Variants in XIRP2 observed in about 807,000 individuals in gnomAD.
XIRP2 encodes xin actin binding repeat containing 2.
XIRP2 carries 236 observed loss-of-function variants against 277.0 expected under a neutral mutation model. That is an observed-to-expected ratio of 0.85 (90% CI 0.77 to 0.95). XIRP2 has a LOEUF of 0.95. Among genes scored for constraint, XIRP2 ranks in the 40% least tolerant of loss-of-function variants. The pLI is 0.00. For synonymous variants in XIRP2, 1,490 were observed against 1,416.5 expected, an observed-to-expected ratio of 1.05 and a Z score of -1.17; for missense variants, 4,640 against 4,157.5, an observed-to-expected ratio of 1.12 and a Z score of -3.19.
chr2:167,029,687 C>G (rs1688277770), intron 2 of XIRP2, among the ~76,000 whole-genome samples: 1 of 152,020 alleles, frequency 6.6e-6, no homozygotes. Context: ...TGTGTCTCTA[C>G]CAGGTTTTGG....
At chr2:166,902,962 TTAA>T (rs1211121157) in intron 1 of XIRP2, among the ~76,000 whole-genome samples, 2 of 152,112 alleles carry the variant, frequency 1.3e-5, no homozygotes, top group African/African-American at 2.4e-5. Flanking sequence ...CAACAAAAAC[TTAA>T]TAACTATTAG....
In XIRP2 at chr2:166,903,454, T is replaced by C. The variant is rs777321691; in HGVS notation, c.-18-11T>C. ...AGTGTATCACTGATAAAAGGATTCTTGATATTGCAGGACAACCTGGACCCA... is the reference window on the plus strand; with the variant it reads ...AGTGTATCACTGATAAAAGGATTCTCGATATTGCAGGACAACCTGGACCCA... On this transcript the variant is annotated splice_polypyrimidine_tract_variant and intron_variant, in intron 1 of 10. Transcript: ENST00000409195. The C allele has an allele frequency of 7.6e-6, 12 of 1,586,152 alleles. No homozygotes were observed. Among genetic ancestry groups the C allele is most frequent in the Non-Finnish European group, 1.0e-5 (12 of 1,164,580 alleles).
intron 2 of XIRP2, among the ~76,000 whole-genome samples, chr2:166,943,880 G>C (rs1685786498): frequency 6.6e-6 from 1 of 152,180 alleles, no homozygotes; most frequent in East Asian, 1.9e-4. Context: ...ACAGACTCTT[G>C]TTCCATAGTG....
In XIRP2 at chr2:167,244,495, A is replaced by G; in HGVS notation, c.3103A>G (p.Lys1035Glu). ...PIDQFDESIHKFQIIRGISAQ... is the reference protein window; with the variant it reads ...PIDQFDESIHEFQIIRGISAQ... ...TGACCAGTTTGATGAAAGCATTCAT[A>G]AATTTCAAATAATTAGAGGAATATC... Residue 1035 changes from lysine (K) to glutamate (E), a missense_variant, in exon 9 of 11, where the codon AAA becomes GAA. Lys to Glu is a moderately conservative substitution (Grantham distance 56, BLOSUM62 1). Transcript: ENST00000409195. The G allele has an allele frequency of 6.2e-7, 1 of 1,613,764 alleles. No individual in the cohort carries two copies. The highest frequency in any genetic ancestry group is 8.5e-7 in the Non-Finnish European group (1 of 1,179,810).
intron 2 of XIRP2, among the ~76,000 whole-genome samples, chr2:167,017,365 A>C (rs1224999549): frequency 6.6e-6 from 1 of 151,976 alleles, no homozygotes; most frequent in East Asian, 1.9e-4. Context: ...AGAAGGTCCA[A>C]GTAGATCACA....
At chr2:166,975,798 C>T (rs1213699580) in intron 2 of XIRP2, among the ~76,000 whole-genome samples, 2 of 151,610 alleles carry the variant, frequency 1.3e-5, no homozygotes, top group Non-Finnish European at 2.9e-5. Context: ...TGGTGGCGGG[C>T]ACCTGTAGTC....
chr2:167,108,886 G>A (rs1324985853), intron 2 of XIRP2, among the ~76,000 whole-genome samples: 3 of 151,100 alleles, frequency 2.0e-5, no homozygotes, highest in African/African-American at 7.3e-5. Context: ...TTTTATTTTA[G>A]GTTCAGAGGT....
intron 2 of XIRP2, among the ~76,000 whole-genome samples, chr2:166,998,394 T>C (rs1160344652): frequency 6.6e-6 from 1 of 152,016 alleles, no homozygotes; most frequent in Non-Finnish European, 1.5e-5. Context: ...TCCCAGCACT[T>C]TGGGAGGCCG....
chr2:167,224,796 G>A (rs191501039), intron 5 of XIRP2, among the ~76,000 whole-genome samples: 7 of 152,238 alleles, frequency 4.6e-5, no homozygotes, highest in Non-Finnish European at 1.0e-4. Flanking sequence ...ATTCACAAAT[G>A]TGTATGTAAA....
intron 2 of XIRP2, among the ~76,000 whole-genome samples, chr2:167,109,263 C>T (rs1355468988): frequency 1.3e-5 from 2 of 151,862 alleles, no homozygotes; most frequent in Non-Finnish European, 2.9e-5. Context: ...TGTATTTGCA[C>T]CACATTTTCT....
chr2:166,979,233 G>C lies in XIRP2; in HGVS notation c.408+75343G>C, dbSNP rs113820693. ...AGCTTCTATGAGTACCTGAATGAGA[G>C]AGAGAGCATTTTCAATTGGCTCTAG... On this transcript the variant is annotated intron_variant, in intron 2 of 10. Coordinates refer to ENST00000409195, the MANE Select transcript of XIRP2 (RefSeq NM_152381.6). Among the ~76,000 whole-genome samples, 120 of 152,258 alleles carry C rather than the reference G, an allele frequency of 7.9e-4. 2 individuals are homozygous for C. The highest frequency in any genetic ancestry group is 2.8e-3 in the African/African-American group (117 of 41,566).
At chr2:167,083,502 G>T (rs1689811976) in intron 2 of XIRP2, among the ~76,000 whole-genome samples, 1 of 152,180 alleles carries the variant, frequency 6.6e-6, no homozygotes, top group South Asian at 2.1e-4. Context: ...TAGCTTGATG[G>T]GGATGGCATT....
Position 167,244,222 on chromosome 2 carries a change from G to T in XIRP2, c.2830G>T (p.Asp944Tyr). 2 of 1,613,622 alleles carry T rather than the reference G, an allele frequency of 1.2e-6. No individual in the cohort carries two copies. Among genetic ancestry groups the T allele is most frequent in the Non-Finnish European group, 1.7e-6 (2 of 1,179,812 alleles). Residue 944 changes from aspartate to tyrosine, a missense_variant, in exon 9 of 11, where the codon GAT becomes TAT. Asp to Tyr is a radical substitution (Grantham distance 160, BLOSUM62 -3). Transcript: ENST00000409195. ...GAAACTTGAAGAAGTTGACAGAGGA[G>T]ATGTGAAGAATTACACACATATCTT... ...TVKLEEVDRG[D>Y]VKNYTHIFES...
chr2:167,243,650 A>G lies in XIRP2; in HGVS notation c.2258A>G (p.Glu753Gly). Reference protein sequence around the residue: ...VIRDGSGQMLEIKTVHREDVE... With the variant: ...VIRDGSGQMLGIKTVHREDVE... ...AGAGATGGTTCGGGCCAAATGCTGG[A>G]AATTAAAACTGTTCACAGAGAAGAC... The change falls in exon 9 of 11, where the codon GAA (glutamate) becomes GGA (glycine). Residue 753 changes from glutamate to glycine, a missense_variant. Glu to Gly is a moderately conservative substitution (Grantham distance 98). Coordinates refer to ENST00000409195, the MANE Select transcript of XIRP2 (RefSeq NM_152381.6). The G allele has an allele frequency of 1.9e-6, 3 of 1,614,080 alleles. No individual in the cohort carries two copies. The South Asian group carries it at 3.3e-5, about 18-fold the overall frequency.
At chr2:167,174,909 A>C (rs375462096) in intron 3 of XIRP2, among the ~76,000 whole-genome samples, 5 of 152,218 alleles carry the variant, frequency 3.3e-5, no homozygotes, top group African/African-American at 1.2e-4. Context: ...TGAGTTTTTT[A>C]ATCTTGAGTT....
chr2:167,026,671 A>G (rs1688170746), intron 2 of XIRP2, among the ~76,000 whole-genome samples: 1 of 152,108 alleles, frequency 6.6e-6, no homozygotes. Context: ...ATCTCTCAGC[A>G]TTTGCTTGTC....
intron 1 of XIRP2, among the ~76,000 whole-genome samples, chr2:166,897,998 T>C (rs1415203606): frequency 6.6e-6 from 1 of 152,076 alleles, no homozygotes; most frequent in Non-Finnish European, 1.5e-5. Flanking sequence ...TATGTGACCC[T>C]CCAGACCACA....
intron 2 of XIRP2, among the ~76,000 whole-genome samples, chr2:166,977,510 A>G (rs1421231454): frequency 6.6e-6 from 1 of 152,138 alleles, no homozygotes; most frequent in East Asian, 1.9e-4. Flanking sequence ...ATTTTACTGT[A>G]TTTGTATTAT....
At chr2:167,046,975 A>G (rs1455675905) in intron 2 of XIRP2, among the ~76,000 whole-genome samples, 1 of 151,888 alleles carries the variant, frequency 6.6e-6, no homozygotes, top group African/African-American at 2.4e-5. Flanking sequence ...TAAAAACACT[A>G]TTCTCCAACA....
Sources: allele counts gnomAD v4.1 joint callset (sites outside exome capture counted in the v4.1 genomes callset), GRCh38; gene constraint gnomAD v4.1.1; transcripts MANE v1.5; gene names NCBI Gene and HGNC (gene_info 2026-07-23, HGNC 2026-07-21).